Variants in MARCHF1 observed in about 807,000 individuals in gnomAD.
MARCHF1 encodes membrane associated ring-CH-type finger 1.
MARCHF1 carries 40 observed loss-of-function variants against 54.2 expected under a neutral mutation model. That is an observed-to-expected ratio of 0.74 (90% CI 0.57 to 0.96). The LOEUF is 0.96. Among genes scored for constraint, MARCHF1 ranks in the 40% least tolerant of loss-of-function variants. MARCHF1 has a pLI of 0.00. For synonymous variants in MARCHF1, 236 were observed against 236.3 expected, an observed-to-expected ratio of 1.00 and a Z score of 0.01; for missense variants, 586 against 656.5, an observed-to-expected ratio of 0.89 and a Z score of 1.17.
intron 5 of MARCHF1, 103 bp from the exon 6 acceptor site, chr4:163,613,496 G>T (rs375669102): frequency 6.2e-7 from 1 of 1,611,372 alleles, no homozygotes; most frequent in South Asian, 1.1e-5. Context: ...AAACGTGGCT[G>T]CTGGTCATGT....
intron 4 of MARCHF1, among the ~76,000 whole-genome samples, chr4:163,719,265 G>C (rs1226439715): frequency 1.3e-5 from 2 of 150,560 alleles, no homozygotes; most frequent in African/African-American, 4.9e-5. Context: ...CCACCTATGA[G>C]TGAGAACATG....
chr4:164,181,814 T>C (rs1730841072), intron 1 of MARCHF1, among the ~76,000 whole-genome samples: 1 of 152,170 alleles, frequency 6.6e-6, no homozygotes, highest in African/African-American at 2.4e-5. Context: ...CATGAACTAC[T>C]GTTATTTTTA....
intron 1 of MARCHF1, among the ~76,000 whole-genome samples, chr4:164,337,054 G>A (rs1729759664): frequency 6.6e-6 from 1 of 152,156 alleles, no homozygotes; most frequent in South Asian, 2.1e-4. Context: ...AAAGGGAGGA[G>A]AGAAAGGAAA....
At chr4:163,916,536 T>G (rs1023116737) in intron 3 of MARCHF1, among the ~76,000 whole-genome samples, 2 of 135,746 alleles carry the variant, frequency 1.5e-5, no homozygotes, top group Non-Finnish European at 3.1e-5. Flanking sequence ...GCCAGAGACA[T>G]GATCACTGCC....
intron 2 of MARCHF1, among the ~76,000 whole-genome samples, chr4:164,018,359 T>C (rs1370129212): frequency 6.6e-6 from 1 of 151,870 alleles, no homozygotes; most frequent in Admixed American, 6.6e-5. Context: ...AGTTATGACA[T>C]GGAAAGACAC....
chr4:163,676,489 G>A (rs914687584), intron 5 of MARCHF1, among the ~76,000 whole-genome samples: 1 of 152,192 alleles, frequency 6.6e-6, no homozygotes, highest in Non-Finnish European at 1.5e-5. Flanking sequence ...GGTCATGCAT[G>A]TAATCCAAGC....
chr4:163,796,999 AC>A (rs1747936818), intron 4 of MARCHF1, among the ~76,000 whole-genome samples: 1 of 152,030 alleles, frequency 6.6e-6, no homozygotes, highest in Non-Finnish European at 1.5e-5. Context: ...TATATCTCAA[AC>A]CTTCTACTTA....
intron 5 of MARCHF1, among the ~76,000 whole-genome samples, chr4:163,677,511 A>G (rs1743958591): frequency 6.6e-6 from 1 of 152,212 alleles, no homozygotes; most frequent in African/African-American, 2.4e-5. Context: ...TGCTTTTGTA[A>G]GCAATAAACA....
chr4:164,328,152 A>G (rs1735331085), intron 1 of MARCHF1, among the ~76,000 whole-genome samples: 1 of 152,224 alleles, frequency 6.6e-6, no homozygotes, highest in Non-Finnish European at 1.5e-5. Context: ...TTCTAAAATT[A>G]GTTTTAGACC....
intron 3 of MARCHF1, among the ~76,000 whole-genome samples, chr4:163,892,950 C>T (rs886118377): frequency 5.3e-5 from 8 of 151,812 alleles, no homozygotes; most frequent in African/African-American, 1.9e-4. Flanking sequence ...GCAAAGAGGA[C>T]AAAGTGATGC....
chr4:163,969,076 G>A (rs1752499359), intron 3 of MARCHF1, among the ~76,000 whole-genome samples: 1 of 152,174 alleles, frequency 6.6e-6, no homozygotes, highest in Non-Finnish European at 1.5e-5. Flanking sequence ...AGTAAGGTGA[G>A]TTTGGACAGC....
chr4:164,091,410 T>TTATATATATATATATATATATATA (rs1553980469), intron 2 of MARCHF1, among the ~76,000 whole-genome samples: 99 of 136,892 alleles, frequency 7.2e-4, no homozygotes, highest in East Asian at 1.3e-3. Context: ...TCACCAAGTT[T>TTATATATATATATATATATATATA]TATATATATA....
At chr4:163,673,892 C>T (rs1446156742) in intron 5 of MARCHF1, among the ~76,000 whole-genome samples, 1 of 152,136 alleles carries the variant, frequency 6.6e-6, no homozygotes, top group African/African-American at 2.4e-5. Flanking sequence ...GGTTCCTAGC[C>T]ACCTCCTTCA....
At chr4:163,789,166 A>T (rs549363557) in intron 4 of MARCHF1, among the ~76,000 whole-genome samples, 86 of 152,122 alleles carry the variant, frequency 5.7e-4, no homozygotes, top group Middle Eastern at 6.8e-3. Context: ...TTATTTTATT[A>T]TTTGTGTTAT....
At chr4:163,916,076 C>T (rs1172001602) in intron 3 of MARCHF1, among the ~76,000 whole-genome samples, 2 of 152,292 alleles carry the variant, frequency 1.3e-5, no homozygotes, top group South Asian at 2.1e-4. Flanking sequence ...CTGTAAACTG[C>T]CTCAGGGTGG....
chr4:164,257,817 A>G (rs1259336734), intron 1 of MARCHF1, among the ~76,000 whole-genome samples: 1 of 152,116 alleles, frequency 6.6e-6, no homozygotes, highest in Non-Finnish European at 1.5e-5. Flanking sequence ...AAAATACAAA[A>G]TATTAGTGGG....
At chr4:164,258,154 A>G (rs1361311462) in intron 1 of MARCHF1, among the ~76,000 whole-genome samples, 1 of 152,084 alleles carries the variant, frequency 6.6e-6, no homozygotes, top group Non-Finnish European at 1.5e-5. Flanking sequence ...GGGAACAGAA[A>G]ACCAAACCCC....
At chr4:163,688,378 A>C (rs556391236) in intron 5 of MARCHF1, among the ~76,000 whole-genome samples, 21 of 152,270 alleles carry the variant, frequency 1.4e-4, no homozygotes, top group African/African-American at 5.1e-4. Flanking sequence ...GACTTCTTTG[A>C]CTTTTAACAA....
intron 1 of MARCHF1, among the ~76,000 whole-genome samples, chr4:164,349,372 T>C (rs1730211108): frequency 1.3e-5 from 2 of 152,198 alleles, no homozygotes; most frequent in African/African-American, 4.8e-5. Context: ...AACAGTATTG[T>C]TAAAATAAGA....
Sources: allele counts gnomAD v4.1 joint callset (sites outside exome capture counted in the v4.1 genomes callset), GRCh38; gene constraint gnomAD v4.1.1; transcripts MANE v1.5; gene names NCBI Gene and HGNC (gene_info 2026-07-23, HGNC 2026-07-21).